The following POLN variants were observed in gnomAD, a reference collection of about 807,000 sequenced individuals.
POLN encodes DNA polymerase N.
A neutral mutation model predicts 113.5 loss-of-function variants in POLN; 108 were observed. That is an observed-to-expected ratio of 0.95 (90% CI 0.81 to 1.12). The LOEUF is 1.12. POLN is among the 50% of genes most tolerant of loss of function. The pLI is 0.00. For missense variants in POLN, 1,097 were observed against 1,077.1 expected (o/e 1.02, Z -0.26); for synonymous variants, 386 against 391.5 (o/e 0.99, Z 0.17).
intron 19 of POLN, among the ~76,000 whole-genome samples, chr4:2,096,155 C>G (rs1560985339): frequency 6.6e-6 from 1 of 152,222 alleles, no homozygotes; most frequent in Non-Finnish European, 1.5e-5. Context: ...TGCTGCCAGC[C>G]AAGCACCACC....
At chr4:2,170,447 CTT>C (rs1254772260) in intron 13 of POLN, among the ~76,000 whole-genome samples, 1 of 152,212 alleles carries the variant, frequency 6.6e-6, no homozygotes, top group East Asian at 1.9e-4. Flanking sequence ...CCAAATTATG[CTT>C]TTCAGGAAGT....
intron 5 of POLN, among the ~76,000 whole-genome samples, chr4:2,207,323 A>G (rs1178684749): frequency 2.6e-5 from 4 of 151,688 alleles, no homozygotes; most frequent in African/African-American, 7.3e-5. Flanking sequence ...TGATGGGTGC[A>G]GGAAAGTAGA....
chr4:2,110,495 A>G (rs1159536236), intron 19 of POLN, among the ~76,000 whole-genome samples: 1 of 152,236 alleles, frequency 6.6e-6, no homozygotes, highest in African/African-American at 2.4e-5. Flanking sequence ...ACTGCTAGCA[A>G]GACTAATAAA....
chr4:2,143,163 C>A (rs1359397986), intron 16 of POLN, among the ~76,000 whole-genome samples: 4 of 151,496 alleles, frequency 2.6e-5, no homozygotes, highest in African/African-American at 4.9e-5. Flanking sequence ...TAGGCTTATA[C>A]CTAAAAAGCC....
chr4:2,126,549 C>T lies in POLN; in HGVS notation c.1982+1564G>A, dbSNP rs1731584015. On this transcript the variant is annotated intron_variant, in intron 19 of 25. Transcript: ENST00000511885. The surrounding 1 kb of genome is among the most constrained non-coding windows in gnomAD (Gnocchi z 4.6). ...GCAATACATGGGAATGTGCATCGGA[C>T]CAGAGAGGAGCAGAGACCAGAGAGG... Among the ~76,000 whole-genome samples, 1 of 152,038 alleles carries T rather than the reference C, an allele frequency of 6.6e-6. No individual in the cohort carries two copies. Among genetic ancestry groups the T allele is most frequent in the African/African-American group, 2.4e-5 (1 of 41,398 alleles).
chr4:2,203,552 C>G (rs1733768185), intron 5 of POLN, among the ~76,000 whole-genome samples: 1 of 150,932 alleles, frequency 6.6e-6, no homozygotes, highest in Admixed American at 6.6e-5. Flanking sequence ...TGCACTCCAG[C>G]CTGGGTGACA....
intron 17 of POLN, 143 bp from the exon 18 acceptor site, chr4:2,129,399 T>A: frequency 1.8e-6 from 1 of 564,638 alleles, no homozygotes; most frequent in Admixed American, 3.0e-5. Flanking sequence ...TTAATTTAAT[T>A]ATTTTAGAGA....
chr4:2,091,998 T>C (rs1730678542), intron 20 of POLN, among the ~76,000 whole-genome samples: 1 of 152,006 alleles, frequency 6.6e-6, no homozygotes, highest in Non-Finnish European at 1.5e-5. Context: ...TGACATTGAA[T>C]CCTACGCTGC....
At position 2,093,932 on chromosome 4, in the gene POLN, C is replaced by T. The variant is rs1054094987; in HGVS notation, c.2065+1919G>A. ...AGGCAGTGAGCTAACGTGATGAGCTCCTATCTTTGAGGTACTCATGTTTGA... is the reference window on the plus strand; with the variant it reads ...AGGCAGTGAGCTAACGTGATGAGCTTCTATCTTTGAGGTACTCATGTTTGA... On this transcript the variant is annotated intron_variant, in intron 20 of 25. Coordinates refer to ENST00000511885, the MANE Select transcript of POLN (RefSeq NM_181808.4). The surrounding 1 kb of genome is among the most constrained non-coding windows in gnomAD (Gnocchi z 4.1). 2.6e-5 allele frequency among the ~76,000 whole-genome samples: 4 copies of T among 152,278 alleles called. No homozygotes were observed. The highest frequency in any genetic ancestry group is 9.6e-5 in the African/African-American group (4 of 41,546).
At chr4:2,239,153 G>C in intron 2 of POLN, 1 of 544,816 alleles carries the variant, frequency 1.8e-6, no homozygotes, top group Non-Finnish European at 3.1e-6. Flanking sequence ...CTCAATGAAT[G>C]AAAACTAATT....
At chr4:2,110,570 C>T (rs1394219715) in intron 19 of POLN, among the ~76,000 whole-genome samples, 1 of 152,106 alleles carries the variant, frequency 6.6e-6, no homozygotes, top group African/African-American at 2.4e-5. Context: ...CACCACCGAT[C>T]CCACAGAAAT....
At chr4:2,094,845 A>G (rs1053147484) in intron 20 of POLN, among the ~76,000 whole-genome samples, 2 of 152,132 alleles carry the variant, frequency 1.3e-5, no homozygotes, top group Non-Finnish European at 1.5e-5. Context: ...ACAATCTACT[A>G]TGTGCTTGCC....
intron 23 of POLN, chr4:2,080,180 G>A (rs1373497461): frequency 3.0e-6 from 3 of 986,446 alleles, no homozygotes; most frequent in South Asian, 4.7e-5. Context: ...CAAGGAGAAC[G>A]AGGAGAGGAG....
chr4:2,161,384 G>C (rs1275164579), intron 13 of POLN, among the ~76,000 whole-genome samples: 1 of 151,834 alleles, frequency 6.6e-6, no homozygotes, highest in Non-Finnish European at 1.5e-5. Context: ...GGCCCTGCTA[G>C]CCCGGGCAAT....
At chr4:2,124,915 T>C (rs933424387) in intron 19 of POLN, among the ~76,000 whole-genome samples, 1 of 152,132 alleles carries the variant, frequency 6.6e-6, no homozygotes, top group African/African-American at 2.4e-5. Context: ...AAGTTTGTTT[T>C]AAGAAGCAAG....
At chr4:2,092,601 C>T (rs569475724) in intron 20 of POLN, among the ~76,000 whole-genome samples, 33 of 152,364 alleles carry the variant, frequency 2.2e-4, no homozygotes, top group Admixed American at 1.8e-3. Flanking sequence ...TCTCCCCTGC[C>T]TCTCACAAAG....
chr4:2,072,421 A>G lies in POLN; in HGVS notation c.2518-122T>C, dbSNP rs1258666716. 1.1e-5 allele frequency: 9 copies of G among 817,670 alleles called. No homozygotes were observed. The South Asian group carries it at 1.5e-4, about 14-fold the overall frequency. The allele number at this position is 817,670 out of a possible 1,614,324, so 50.7% of individuals were successfully genotyped here. On this transcript the variant is annotated intron_variant, in intron 25 of 25. Coordinates refer to ENST00000511885, the MANE Select transcript of POLN (RefSeq NM_181808.4). ...GGTGCACACATCCAGATACATGATCAGACAGCCACACGCACACATGTGCAT... is the reference window on the plus strand; with the variant it reads ...GGTGCACACATCCAGATACATGATCGGACAGCCACACGCACACATGTGCAT...
intron 16 of POLN, among the ~76,000 whole-genome samples, chr4:2,155,738 A>T: frequency 6.6e-6 from 1 of 152,336 alleles, no homozygotes; most frequent in East Asian, 1.9e-4. Context: ...ATTTAAATTT[A>T]AATATAGATT....
chr4:2,170,178 A>G (rs866787141), intron 13 of POLN, among the ~76,000 whole-genome samples: 1 of 152,150 alleles, frequency 6.6e-6, no homozygotes, highest in South Asian at 2.1e-4. Flanking sequence ...ACTGACTTCC[A>G]CTCTGTGTCT....
Sources: gnomAD v4.1 joint callset for allele counts (sites outside exome capture counted in the v4.1 genomes callset) on GRCh38, gnomAD v4.1.1 for gene constraint, Gnocchi (gnomAD v3.1) non-coding constraint, MANE v1.5 for transcripts, NCBI Gene and HGNC (gene_info 2026-07-23, HGNC 2026-07-21) for gene names.